The following ARHGEF28 variants were observed in gnomAD, a reference collection of about 807,000 sequenced individuals.
The protein encoded by ARHGEF28 is 190 kDa guanine nucleotide exchange factor.
ARHGEF28 carries 152 observed loss-of-function variants against 206.6 expected under a neutral mutation model. The observed-to-expected ratio is 0.74, with a 90% CI of 0.64 to 0.84. The LOEUF (loss-of-function observed/expected upper bound fraction) is 0.84, where lower values mean the gene tolerates loss of function less well. Ranked by LOEUF, ARHGEF28 falls within the 40% of genes least tolerant of loss-of-function variation. The pLI is 0.00. For synonymous variants in ARHGEF28, 763 were observed against 776.4 expected (o/e 0.98, Z 0.29); for missense variants, 2,028 against 2,073.2 (o/e 0.98, Z 0.42).
intron 9 of ARHGEF28, among the ~76,000 whole-genome samples, chr5:73,808,246 T>C (rs111668982): frequency 0.073 from 11,035 of 151,664 alleles, 640 homozygotes; most frequent in African/African-American, 0.15. Flanking sequence ...AAATAAAAAG[T>C]GCTGGGGGTT....
intron 2 of ARHGEF28, among the ~76,000 whole-genome samples, chr5:73,695,680 A>T (rs1425907187): frequency 6.6e-6 from 1 of 152,010 alleles, no homozygotes; most frequent in Non-Finnish European, 1.5e-5. Flanking sequence ...CTCTGTCTTG[A>T]TCAGTCATCA....
chr5:73,726,330 A>G (rs540903636), intron 2 of ARHGEF28, among the ~76,000 whole-genome samples: 5 of 152,358 alleles, frequency 3.3e-5, no homozygotes, highest in African/African-American at 1.2e-4. Flanking sequence ...AGTTACATAG[A>G]TACCAGTTTG....
chr5:73,876,216 CTGTT>C (rs1437548707), intron 22 of ARHGEF28, among the ~76,000 whole-genome samples: 1 of 136,180 alleles, frequency 7.3e-6, no homozygotes, highest in African/African-American at 2.9e-5. Flanking sequence ...ATTTGGCTCT[CTGTT>C]TGTCTGTTAT....
At chr5:73,751,645 G>A (rs1752022894) in intron 3 of ARHGEF28, among the ~76,000 whole-genome samples, 1 of 151,984 alleles carries the variant, frequency 6.6e-6, no homozygotes, top group Non-Finnish European at 1.5e-5. Flanking sequence ...GCATGTGGTG[G>A]CGACTCTCCT....
chr5:73,696,335 C>G (rs1225529514), intron 2 of ARHGEF28, among the ~76,000 whole-genome samples: 1 of 152,192 alleles, frequency 6.6e-6, no homozygotes, highest in Non-Finnish European at 1.5e-5. Context: ...CCCTTCTGCT[C>G]TCAGTTCTTC....
intron 34 of ARHGEF28, 43 bp downstream of exon 34, chr5:73,909,940 A>C: frequency 6.8e-7 from 1 of 1,475,384 alleles, no homozygotes; most frequent in Non-Finnish European, 8.9e-7. Context: ...TCTCAAAGAC[A>C]GGGGTGGGCC....
chr5:73,817,179 G>A (rs1024587176), intron 9 of ARHGEF28, among the ~76,000 whole-genome samples: 10 of 151,942 alleles, frequency 6.6e-5, no homozygotes, highest in East Asian at 1.9e-4. Flanking sequence ...AACTTCCCTC[G>A]TTCTCTCCTT....
chr5:73,773,375 T>C (rs895904057), intron 4 of ARHGEF28, among the ~76,000 whole-genome samples: 2 of 152,188 alleles, frequency 1.3e-5, no homozygotes, highest in African/African-American at 4.8e-5. Context: ...GCCATTTCTC[T>C]TGCGGCTTCT....
chr5:73,683,981 G>A (rs1174235872), intron 1 of ARHGEF28, among the ~76,000 whole-genome samples: 2 of 152,072 alleles, frequency 1.3e-5, no homozygotes, highest in African/African-American at 2.4e-5. Context: ...TAAAGGTGGT[G>A]GGATATATAT....
At chr5:73,865,635 G>A (rs1441782446) in intron 17 of ARHGEF28, among the ~76,000 whole-genome samples, 1 of 152,126 alleles carries the variant, frequency 6.6e-6, no homozygotes, top group African/African-American at 2.4e-5. Flanking sequence ...AAAGAAACAA[G>A]AAGGAGAAAG....
chr5:73,846,186 A>T, intron 11 of ARHGEF28, 82 bp from the exon 12 acceptor site: 1 of 1,345,568 alleles, frequency 7.4e-7, no homozygotes, highest in Non-Finnish European at 1.0e-6. Context: ...CAGTGAAAGA[A>T]TCTGGATTCA....
intron 1 of ARHGEF28, among the ~76,000 whole-genome samples, chr5:73,669,884 G>A (rs1746199322): frequency 6.6e-6 from 1 of 152,070 alleles, no homozygotes; most frequent in African/African-American, 2.4e-5. Flanking sequence ...ACAGGGTTTT[G>A]CCATGTTGGC....
In ARHGEF28 at chr5:73,909,794, A is replaced by G; in HGVS notation, c.4544A>G (p.Glu1515Gly). Reference sequence around the variant, plus strand: ...CTGAGGGAGGGCCAGCGCCTGGTGGAGAGGGAGCAGGCGAGGATGCGGGCC... The same window carrying G: ...CTGAGGGAGGGCCAGCGCCTGGTGGGGAGGGAGCAGGCGAGGATGCGGGCC... ...ERLREGQRLV[E>G]REQARMRAQQ... Residue 1515 changes from glutamate (E) to glycine (G), a missense_variant, in exon 34 of 36, where the codon GAG becomes GGG. Physicochemically the swap from Glu to Gly is moderately conservative, Grantham distance 98. Coordinates refer to ENST00000513042, the MANE Select transcript of ARHGEF28 (RefSeq NM_001177693.2). 1.3e-6 allele frequency: 2 copies of G among 1,526,972 alleles called. No individual in the cohort carries two copies. The highest frequency in any genetic ancestry group is 8.7e-7 in the Non-Finnish European group (1 of 1,143,264). The allele number at this position is 1,526,972 out of a possible 1,614,324, so 94.6% of individuals were successfully genotyped here. A position where few individuals can be genotyped will look rare whatever the true frequency, so the allele number is the denominator to read the frequency against.
At chr5:73,898,174 G>T in intron 30 of ARHGEF28, 81 bp downstream of exon 30, 1 of 1,506,578 alleles carries the variant, frequency 6.6e-7, no homozygotes, top group South Asian at 1.3e-5. Flanking sequence ...TAAAGGCAAT[G>T]ACTGTCTCTG....
intron 2 of ARHGEF28, among the ~76,000 whole-genome samples, chr5:73,728,057 A>G (rs1750385848): frequency 6.6e-6 from 1 of 152,060 alleles, no homozygotes. Context: ...CAGCATTTTC[A>G]TTGTTAGTTG....
At chr5:73,877,869 G>A (rs959717652) in intron 22 of ARHGEF28, among the ~76,000 whole-genome samples, 9 of 152,118 alleles carry the variant, frequency 5.9e-5, no homozygotes, top group Admixed American at 1.3e-4. Flanking sequence ...GAATAGGTGT[G>A]GTGTGGTGTG....
At chr5:73,890,745 C>A (rs975594101) in intron 26 of ARHGEF28, among the ~76,000 whole-genome samples, 1 of 152,154 alleles carries the variant, frequency 6.6e-6, no homozygotes, top group African/African-American at 2.4e-5. Context: ...TGGATAAAGG[C>A]GTCGCTCAGT....
intron 7 of ARHGEF28, among the ~76,000 whole-genome samples, chr5:73,789,351 A>G (rs995723075): frequency 6.6e-6 from 1 of 152,214 alleles, no homozygotes; most frequent in African/African-American, 2.4e-5. Context: ...AATTCTGTTG[A>G]GACTGAAAAT....
At chr5:73,630,441 T>C (rs1054831146) in intron 1 of ARHGEF28, among the ~76,000 whole-genome samples, 1 of 152,256 alleles carries the variant, frequency 6.6e-6, no homozygotes, top group South Asian at 2.1e-4. Flanking sequence ...AATAGTAACC[T>C]GCTTCAACTG....
Sources: allele counts gnomAD v4.1 joint callset (sites outside exome capture counted in the v4.1 genomes callset), GRCh38; gene constraint gnomAD v4.1.1; transcripts MANE v1.5; gene names NCBI Gene and HGNC (gene_info 2026-07-23, HGNC 2026-07-21).